The following PLXNA2 variants were observed in gnomAD, a reference collection of about 807,000 sequenced individuals.
PLXNA2 encodes the protein plexin-A2.
In PLXNA2, 91 loss-of-function variants were observed where a neutral mutation model predicts 193.5. The ratio of observed to expected loss-of-function variants is 0.47; its 90% CI spans 0.40 to 0.56. PLXNA2 has a LOEUF of 0.56. Among genes scored for constraint, PLXNA2 ranks in the 20% least tolerant of loss-of-function variants. The pLI is 0.00. For missense variants in PLXNA2, 1,995 were observed against 2,503.2 expected, an observed-to-expected ratio of 0.80 and a Z score of 4.33; for synonymous variants, 997 against 1,027.3, an observed-to-expected ratio of 0.97 and a Z score of 0.56.
At chr1:208,127,278 C>CAA (rs1386694256) in intron 4 of PLXNA2, among the ~76,000 whole-genome samples, 1 of 151,894 alleles carries the variant, frequency 6.6e-6, no homozygotes, top group Non-Finnish European at 1.5e-5. Flanking sequence ...TGCATGTACA[C>CAA]ACACATACAT....
At chr1:208,169,962 C>G (rs1669438438) in intron 3 of PLXNA2, among the ~76,000 whole-genome samples, 1 of 152,286 alleles carries the variant, frequency 6.6e-6, no homozygotes, top group East Asian at 1.9e-4. Flanking sequence ...TCACTGACAA[C>G]CACAGACACC....
chr1:208,077,530 G>A (rs951076070), intron 12 of PLXNA2, among the ~76,000 whole-genome samples: 1 of 152,164 alleles, frequency 6.6e-6, no homozygotes, highest in African/African-American at 2.4e-5. Context: ...GCAAGTCTCT[G>A]CCTAATTTAA....
intron 3 of PLXNA2, among the ~76,000 whole-genome samples, chr1:208,182,092 G>C (rs745649740): frequency 6.6e-5 from 10 of 152,094 alleles, no homozygotes; most frequent in Non-Finnish European, 1.5e-4. Flanking sequence ...CAAGACAAAA[G>C]GAATCAAACC....
chr1:208,084,396 T>G lies in PLXNA2; in HGVS notation c.2282A>C (p.Gln761Pro). The change falls in exon 10 of 32, where the codon CAG (glutamine) becomes CCG (proline). Residue 761 changes from glutamine (Q) to proline (P), a missense_variant. By Grantham distance (76) the Gln-to-Pro change is moderately conservative (BLOSUM62 -1). Coordinates refer to ENST00000367033, the MANE Select transcript of PLXNA2 (RefSeq NM_025179.4). Reference sequence around the variant, plus strand: ...TTTTCTTACCGAGCTGTTCTGACACTGAACGCTGGAGCTGTTGAAGCGCAG... The same window carrying G: ...TTTTCTTACCGAGCTGTTCTGACACGGAACGCTGGAGCTGTTGAAGCGCAG... ...PALRFNSSSV[Q>P]CQNSSYQYDG... 6.2e-7 allele frequency: 1 copy of G among 1,614,256 alleles called. No individual in the cohort carries two copies. Among genetic ancestry groups the G allele is most frequent in the Non-Finnish European group, 8.5e-7 (1 of 1,180,044 alleles).
At chr1:208,199,963 T>C (rs1670488258) in intron 3 of PLXNA2, among the ~76,000 whole-genome samples, 1 of 152,256 alleles carries the variant, frequency 6.6e-6, no homozygotes, top group Admixed American at 6.5e-5. Flanking sequence ...ACTCTTGATC[T>C]TGCTTGATAG....
chr1:208,137,853 C>T (rs909841074), intron 4 of PLXNA2, among the ~76,000 whole-genome samples: 2 of 152,094 alleles, frequency 1.3e-5, no homozygotes, highest in Non-Finnish European at 2.9e-5. Context: ...AGATGAAAAC[C>T]TCTCTAGGCA....
At chr1:208,146,902 G>C (rs1265213222) in intron 3 of PLXNA2, among the ~76,000 whole-genome samples, 1 of 152,174 alleles carries the variant, frequency 6.6e-6, no homozygotes, top group Non-Finnish European at 1.5e-5. Context: ...GCTTGACCTC[G>C]GTGGAAATGC....
chr1:208,055,995 G>A (rs1319461507), intron 13 of PLXNA2, among the ~76,000 whole-genome samples: 2 of 152,198 alleles, frequency 1.3e-5, no homozygotes, highest in Admixed American at 6.5e-5. Flanking sequence ...TAAACCCAAG[G>A]AAACATGATA....
Position 208,124,261 on chromosome 1 carries a change from A to G in PLXNA2, c.1506+18068T>C, listed in dbSNP as rs540129000. 2.6e-5 allele frequency among the ~76,000 whole-genome samples: 4 copies of G among 152,260 alleles called. 1 individual carries two copies. In the South Asian group the frequency reaches 6.2e-4, roughly 24 times the overall value. On this transcript the variant is annotated intron_variant, in intron 4 of 31. Transcript: ENST00000367033. Reference sequence around the variant, plus strand: ...GGGGAGAGGAGCAGAAAAAACAACTATTGGGTACTAGGCTTAGTACCTGGG... The same window carrying G: ...GGGGAGAGGAGCAGAAAAAACAACTGTTGGGTACTAGGCTTAGTACCTGGG...
chr1:208,033,430 C>A lies in PLXNA2; in HGVS notation c.4944G>T (p.Gly1648=). The change falls in exon 28 of 32, where the codon GGG becomes GGT. Residue 1648 remains glycine (G), a synonymous_variant. Transcript: ENST00000367033. The part of the protein sequence containing the change: ...APMITPDLES[G]VKVWHLVKNH... ...TCTTCACCAGATGCCACACCTTGAC[C>A]CCACTTTCCAGGTCTGGGGTGATCA... The A allele has an allele frequency of 6.2e-7, 1 of 1,614,122 alleles. No homozygotes were observed. Among genetic ancestry groups the A allele is most frequent in the Non-Finnish European group, 8.5e-7 (1 of 1,180,026 alleles).
chr1:208,127,879 G>C (rs771403479), intron 4 of PLXNA2, among the ~76,000 whole-genome samples: 1 of 152,232 alleles, frequency 6.6e-6, no homozygotes, highest in African/African-American at 2.4e-5. Context: ...GCAGCGAGTA[G>C]GGAAGATCAA....
In PLXNA2 at chr1:208,025,211, G is replaced by A. The variant is rs1299769667; in HGVS notation, c.*2032C>T. The A allele has an allele frequency of 2.0e-5, 3 of 152,576 alleles. No individual in the cohort carries two copies. Among genetic ancestry groups the A allele is most frequent in the Non-Finnish European group, 2.9e-5 (2 of 68,042 alleles). The allele number at this position is 152,576 out of a possible 1,614,324, so 9.5% of individuals were successfully genotyped here. A position where few individuals can be genotyped will look rare whatever the true frequency, so the allele number is the denominator to read the frequency against. ...GCAAGAAACTAGAGCTGGGGAGACC[G>A]GGCAACGTCTGCTGTGTGGTTAGAC... On this transcript the variant is annotated 3_prime_UTR_variant, in exon 32 of 32. Coordinates refer to ENST00000367033, the MANE Select transcript of PLXNA2 (RefSeq NM_025179.4).
intron 3 of PLXNA2, among the ~76,000 whole-genome samples, chr1:208,203,414 C>T (rs1202028425): frequency 1.3e-5 from 2 of 152,186 alleles, no homozygotes; most frequent in Non-Finnish European, 2.9e-5. Context: ...TGGGCGGTCT[C>T]AGGTCCCAGG....
In PLXNA2 at chr1:208,071,199, C is replaced by T. The variant is rs150686770; in HGVS notation, c.2586+8061G>A. The stretch of plus-strand genomic sequence containing the variant: ...AGGAGAAGAGGTGCCGAAGAAGCCA[C>T]TCCAGAATGGTCTCAGTCCCATCAG... On this transcript the variant is annotated intron_variant, in intron 12 of 31. Coordinates refer to ENST00000367033, the MANE Select transcript of PLXNA2 (RefSeq NM_025179.4). Among the ~76,000 whole-genome samples the T allele has an allele frequency of 7.6e-3, 1,151 of 152,340 alleles. 12 individuals are homozygous for T. The highest frequency in any genetic ancestry group is 0.025 in the African/African-American group (1,032 of 41,574).
chr1:208,237,153 T>C (rs72741262), intron 1 of PLXNA2, among the ~76,000 whole-genome samples: 2,720 of 152,314 alleles, frequency 0.018, 32 homozygotes, highest in Middle Eastern at 0.031. Context: ...AACCTTTCTC[T>C]ATTAGTATCC....
Position 208,233,287 on chromosome 1 carries a change from G to C in PLXNA2, c.-81+10356C>G, listed in dbSNP as rs1048432450. Reference sequence around the variant, plus strand: ...TCTATAAACACTCGTTCAGTCAAATGAAATTATGCTGCACCAACTTTAAAA... The same window carrying C: ...TCTATAAACACTCGTTCAGTCAAATCAAATTATGCTGCACCAACTTTAAAA... On this transcript the variant is annotated intron_variant, in intron 1 of 31. Coordinates refer to ENST00000367033, the MANE Select transcript of PLXNA2 (RefSeq NM_025179.4). Among the ~76,000 whole-genome samples the C allele has an allele frequency of 2.6e-4, 39 of 152,204 alleles. 1 individual carries two copies. The highest frequency in any genetic ancestry group is 2.9e-5 in the Non-Finnish European group (2 of 68,046).
chr1:208,233,570 T>C (rs766981730), intron 1 of PLXNA2, among the ~76,000 whole-genome samples: 1 of 152,188 alleles, frequency 6.6e-6, no homozygotes, highest in Admixed American at 6.5e-5. Flanking sequence ...TTCCTCCAGG[T>C]CAGCCACAGC....
chr1:208,095,096 G>C (rs1666837921), intron 8 of PLXNA2, among the ~76,000 whole-genome samples: 1 of 152,150 alleles, frequency 6.6e-6, no homozygotes, highest in African/African-American at 2.4e-5. Context: ...TGCCTCCTCT[G>C]ATATGGAGCT....
At chr1:208,221,391 T>TG (rs1360273870) in intron 1 of PLXNA2, among the ~76,000 whole-genome samples, 1 of 142,452 alleles carries the variant, frequency 7.0e-6, no homozygotes, top group Non-Finnish European at 1.5e-5. Flanking sequence ...GTTTTTTTTT[T>TG]TTTTTTTTTT....
Sources: gnomAD v4.1 joint callset for allele counts (sites outside exome capture counted in the v4.1 genomes callset) on GRCh38, gnomAD v4.1.1 for gene constraint, MANE v1.5 for transcripts, NCBI Gene and HGNC (gene_info 2026-07-23, HGNC 2026-07-21) for gene names.